The following RASGRP3 variants were observed in gnomAD, a reference collection of about 807,000 sequenced individuals.
RASGRP3 encodes ras guanyl-releasing protein 3.
A neutral mutation model predicts 82.7 loss-of-function variants in RASGRP3; 54 were observed. The observed-to-expected ratio is 0.65, with a 90% confidence interval of 0.52 to 0.82. The LOEUF (loss-of-function observed/expected upper bound fraction) is 0.82. Ranked by LOEUF, RASGRP3 falls within the 40% of genes least tolerant of loss-of-function variation. RASGRP3 has a pLI of 0.00. For missense variants in RASGRP3, 861 were observed against 828.9 expected (o/e 1.04, Z -0.48); for synonymous variants, 309 against 300.5 (o/e 1.03, Z -0.29).
At chr2:33,455,454 A>G (rs1284599490) in intron 2 of RASGRP3, among the ~76,000 whole-genome samples, 4 of 152,370 alleles carry the variant, frequency 2.6e-5, no homozygotes, top group Admixed American at 6.5e-5. Context: ...ACAAATTTGT[A>G]GATAACTGGG....
chr2:33,520,364 A>G (rs1671906983), intron 5 of RASGRP3, among the ~76,000 whole-genome samples, 189 bp from the exon 6 acceptor site: 1 of 152,174 alleles, frequency 6.6e-6, no homozygotes, highest in Non-Finnish European at 1.5e-5. Context: ...GCGGTTTTAG[A>G]TTGAAGGAGG....
chr2:33,448,273 C>A (rs1665605341), intron 2 of RASGRP3, among the ~76,000 whole-genome samples: 1 of 152,056 alleles, frequency 6.6e-6, no homozygotes, highest in South Asian at 2.1e-4. Flanking sequence ...CCAAGAGTTT[C>A]TTCTCTCAAC....
intron 2 of RASGRP3, among the ~76,000 whole-genome samples, chr2:33,459,052 T>A (rs1666203791): frequency 6.6e-6 from 1 of 152,218 alleles, no homozygotes; most frequent in South Asian, 2.1e-4. Flanking sequence ...TTCATAAATA[T>A]GCCTGGTGGG....
intron 1 of RASGRP3, among the ~76,000 whole-genome samples, chr2:33,496,251 T>C (rs139720288): frequency 1.3e-5 from 2 of 152,334 alleles, no homozygotes; most frequent in African/African-American, 4.8e-5. Context: ...GAAAAAAGTT[T>C]AAAAAGCAAG....
intron 14 of RASGRP3, among the ~76,000 whole-genome samples, chr2:33,553,403 G>T (rs528710052): frequency 5.9e-5 from 9 of 152,210 alleles, no homozygotes; most frequent in African/African-American, 2.2e-4. Context: ...TGTATAAAGA[G>T]CCTAACTGTG....
intron 1 of RASGRP3, among the ~76,000 whole-genome samples, chr2:33,490,204 C>T (rs1668731794): frequency 6.6e-6 from 1 of 152,232 alleles, no homozygotes; most frequent in African/African-American, 2.4e-5. Flanking sequence ...TTCTCCTCAT[C>T]AGTGCATCGG....
At chr2:33,457,778 TC>T (rs1405234955) in intron 2 of RASGRP3, among the ~76,000 whole-genome samples, 1 of 152,158 alleles carries the variant, frequency 6.6e-6, no homozygotes, top group Non-Finnish European at 1.5e-5. Flanking sequence ...GGTTTCCTGT[TC>T]CTGGTGGGCA....
intron 13 of RASGRP3, among the ~76,000 whole-genome samples, chr2:33,545,990 A>G (rs554673732): frequency 6.6e-6 from 1 of 151,370 alleles, no homozygotes. Context: ...TTTTTTTTTC[A>G]GTAGAAACGA....
At chr2:33,444,027 G>T (rs918013076) in intron 1 of RASGRP3, among the ~76,000 whole-genome samples, 3 of 152,144 alleles carry the variant, frequency 2.0e-5, no homozygotes, top group Non-Finnish European at 4.4e-5. Context: ...AAGGAGTGGG[G>T]GATAGTGCCT....
At position 33,541,061 on chromosome 2, in the gene RASGRP3, A is replaced by C. The variant is rs148203352; in HGVS notation, c.1278+1851A>C. ...TGGGAATTAATTAAAACTGGAGATTAATTAAAACTGGAATCAAAATCAAAT... is the reference window on the plus strand; with the variant it reads ...TGGGAATTAATTAAAACTGGAGATTCATTAAAACTGGAATCAAAATCAAAT... On this transcript the variant is annotated intron_variant, in intron 12 of 17. Transcript: ENST00000403687. 3.8e-4 allele frequency among the ~76,000 whole-genome samples: 56 copies of C among 147,256 alleles called. 2 individuals are homozygous for C. The East Asian group carries it at 8.5e-3, about 22-fold the overall frequency.
intron 3 of RASGRP3, among the ~76,000 whole-genome samples, chr2:33,515,570 T>C (rs141390248): frequency 1.3e-5 from 2 of 152,322 alleles, no homozygotes; most frequent in Admixed American, 6.5e-5. Flanking sequence ...TCTTCCCCCA[T>C]CCCATATCCC....
At chr2:33,554,784 T>C (rs1574495819) in intron 14 of RASGRP3, among the ~76,000 whole-genome samples, 2 of 152,236 alleles carry the variant, frequency 1.3e-5, no homozygotes, top group East Asian at 1.9e-4. Flanking sequence ...GGCCCTCTTC[T>C]TTATGGTGTT....
At chr2:33,487,297 A>G (rs1234698944) in intron 1 of RASGRP3, among the ~76,000 whole-genome samples, 2 of 152,242 alleles carry the variant, frequency 1.3e-5, no homozygotes, top group South Asian at 2.1e-4. Context: ...TCTGAAGGCA[A>G]TAAGGACGAC....
At chr2:33,439,098 G>C (rs1665082784) in intron 1 of RASGRP3, among the ~76,000 whole-genome samples, 1 of 152,170 alleles carries the variant, frequency 6.6e-6, no homozygotes, top group Non-Finnish European at 1.5e-5. Context: ...TTGGCTTTTG[G>C]AGACTTTTCT....
chr2:33,484,637 T>C (rs1441334202), intron 1 of RASGRP3, among the ~76,000 whole-genome samples: 1 of 152,220 alleles, frequency 6.6e-6, no homozygotes, highest in Non-Finnish European at 1.5e-5. Flanking sequence ...ATTCTGAAAT[T>C]AATCCATCTC....
chr2:33,450,802 CTT>C (rs1175341646), intron 2 of RASGRP3, among the ~76,000 whole-genome samples: 1 of 58,782 alleles, frequency 1.7e-5, no homozygotes, highest in African/African-American at 5.4e-5. Flanking sequence ...TCTTTTCTTT[CTT>C]TTTCTCTTTC....
At chr2:33,499,776 A>G (rs371830989) in intron 1 of RASGRP3, among the ~76,000 whole-genome samples, 5 of 149,338 alleles carry the variant, frequency 3.3e-5, no homozygotes, top group Admixed American at 3.3e-4. Flanking sequence ...AAAAAAAAAG[A>G]GAGGATAAGA....
chr2:33,501,020 G>A (rs570528382), intron 1 of RASGRP3, among the ~76,000 whole-genome samples: 2 of 152,304 alleles, frequency 1.3e-5, no homozygotes, highest in South Asian at 4.1e-4. Context: ...CTATCAAATT[G>A]GACAGCAATT....
At chr2:33,493,760 A>C (rs2150964039) in intron 1 of RASGRP3, among the ~76,000 whole-genome samples, 1 of 152,224 alleles carries the variant, frequency 6.6e-6, no homozygotes, top group South Asian at 2.1e-4. Flanking sequence ...AATGAATAAA[A>C]AAAAAAATCT....
Sources: gnomAD v4.1 joint callset for allele counts (sites outside exome capture counted in the v4.1 genomes callset) on GRCh38, gnomAD v4.1.1 for gene constraint, MANE v1.5 for transcripts, NCBI Gene and HGNC (gene_info 2026-07-23, HGNC 2026-07-21) for gene names.